The following KCTD3 variants were observed in gnomAD, a reference collection of about 807,000 sequenced individuals.
KCTD3 encodes the protein BTB/POZ domain-containing protein KCTD3.
KCTD3 carries 41 observed loss-of-function variants against 85.8 expected under a neutral mutation model. That is an observed-to-expected ratio of 0.48 (90% CI 0.37 to 0.62). The LOEUF is 0.62. Among genes scored for constraint, KCTD3 ranks in the 20% least tolerant of loss-of-function variants. The pLI is 0.00. For missense variants in KCTD3, 724 were observed against 989.9 expected, an observed-to-expected ratio of 0.73 and a Z score of 3.60; for synonymous variants, 338 against 345.4, an observed-to-expected ratio of 0.98 and a Z score of 0.24.
intron 12 of KCTD3, among the ~76,000 whole-genome samples, chr1:215,603,620 A>G (rs1355029152): frequency 6.6e-6 from 1 of 152,220 alleles, no homozygotes; most frequent in African/African-American, 2.4e-5. Flanking sequence ...TTAGTATTGT[A>G]GTTTAAGTAA....
chr1:215,612,364 A>G (rs140022294), intron 15 of KCTD3, among the ~76,000 whole-genome samples: 2 of 152,256 alleles, frequency 1.3e-5, no homozygotes, highest in East Asian at 3.9e-4. Context: ...TAATAACACT[A>G]ATTTGCATAA....
At chr1:215,601,177 T>A (rs1431064085) in intron 10 of KCTD3, among the ~76,000 whole-genome samples, 6 of 142,568 alleles carry the variant, frequency 4.2e-5, no homozygotes, top group African/African-American at 1.8e-4. Flanking sequence ...CCTCTGGTGA[T>A]CTGCCTGCCT....
At chr1:215,569,815 A>G (rs1297641506) in intron 1 of KCTD3, among the ~76,000 whole-genome samples, 3 of 152,318 alleles carry the variant, frequency 2.0e-5, no homozygotes, top group Admixed American at 6.5e-5. Flanking sequence ...GATACAAAAT[A>G]GTACATATAT....
At chr1:215,601,828 A>G (rs748680936) in intron 10 of KCTD3, 39 bp from the exon 11 acceptor site, 1 of 1,157,694 alleles carries the variant, frequency 8.6e-7, no homozygotes, top group Non-Finnish European at 1.3e-6. Context: ...AGAAATTATA[A>G]TTACTATCTA....
chr1:215,612,441 T>G (rs554653977), intron 15 of KCTD3, among the ~76,000 whole-genome samples: 1 of 152,290 alleles, frequency 6.6e-6, no homozygotes, highest in South Asian at 2.1e-4. Flanking sequence ...CCATCTACTT[T>G]AACATGGAGA....
rs560754887 is a variant in KCTD3, at chr1:215,617,222, G to C, written c.1563-1664G>C. The stretch of plus-strand genomic sequence containing the variant: ...TATTCTTTGTAATTAACTCGTAAAT[G>C]CGAGCTTTCCTTTGAATTCTGTGAG... On this transcript the variant is annotated intron_variant, in intron 15 of 17. Transcript: ENST00000259154. Among the ~76,000 whole-genome samples the C allele has an allele frequency of 2.6e-5, 4 of 152,298 alleles. No homozygotes were observed. The South Asian group carries it at 6.2e-4, about 24-fold the overall frequency.
In KCTD3 at chr1:215,621,730, T is replaced by C. The variant is rs1655698746; in HGVS notation, c.*1112T>C. 6.6e-6 allele frequency: 1 copy of C among 152,582 alleles called. No individual in the cohort carries two copies. Among genetic ancestry groups the C allele is most frequent in the African/African-American group, 2.4e-5 (1 of 41,444 alleles). 9.5% of individuals were successfully genotyped at this position (152,582 alleles called of 1,614,324 possible). A position where few individuals can be genotyped will look rare whatever the true frequency, so the allele number is the denominator to read the frequency against. On this transcript the variant is annotated 3_prime_UTR_variant, in exon 18 of 18. Transcript: ENST00000259154. ...AAGTTGAAATAAAATCTTTAAAATT[T>C]ACTATATTGCCAGTGGTTTCACAAC...
chr1:215,613,299 T>C (rs1178239965), intron 15 of KCTD3, among the ~76,000 whole-genome samples: 3 of 152,218 alleles, frequency 2.0e-5, no homozygotes, highest in African/African-American at 7.2e-5. Flanking sequence ...CTCAGCTCAC[T>C]GCAACCTCCA....
At chr1:215,575,663 A>G (rs932689313) in intron 3 of KCTD3, among the ~76,000 whole-genome samples, 1 of 152,208 alleles carries the variant, frequency 6.6e-6, no homozygotes, top group African/African-American at 2.4e-5. Flanking sequence ...ATGTATTAAA[A>G]TATCAGTTTA....
chr1:215,604,064 C>A, intron 12 of KCTD3, 68 bp from the exon 13 acceptor site: 1 of 1,240,930 alleles, frequency 8.1e-7, no homozygotes, highest in Non-Finnish European at 1.1e-6. Context: ...CATAGGGAAG[C>A]TTTGCGAGGG....
At position 215,614,018 on chromosome 1, in the gene KCTD3, G is replaced by GTTTTTT. The variant is rs577770912; in HGVS notation, c.1562+2122_1562+2127dup. ...TTGGTTTCATAGGAACTTTAGAATAGTTTTTTTTTTTTTTTTTTTTTTTTT... is the reference window on the plus strand; with the variant it reads ...TTGGTTTCATAGGAACTTTAGAATAGTTTTTTTTTTTTTTTTTTTTTTTTTTTTTTT... On this transcript the variant is annotated intron_variant, in intron 15 of 17. Coordinates refer to ENST00000259154, the MANE Select transcript of KCTD3 (RefSeq NM_016121.5). 1.4e-4 allele frequency among the ~76,000 whole-genome samples: 9 copies of GTTTTTT among 66,290 alleles called. 3 individuals are homozygous for GTTTTTT. The highest frequency in any genetic ancestry group is 3.2e-4 in the African/African-American group (5 of 15,826). 43.5% of individuals were successfully genotyped at this position (66,290 alleles called of 152,430 possible). A position where few individuals can be genotyped will look rare whatever the true frequency, so the allele number is the denominator to read the frequency against.
At chr1:215,568,233 G>A (rs898920233) in intron 1 of KCTD3, among the ~76,000 whole-genome samples, 2 of 152,140 alleles carry the variant, frequency 1.3e-5, no homozygotes, top group African/African-American at 4.8e-5. Context: ...TCTTTTCCGC[G>A]CCTAATTAGG....
chr1:215,577,256 G>A (rs2102557463), intron 4 of KCTD3, among the ~76,000 whole-genome samples: 1 of 152,064 alleles, frequency 6.6e-6, no homozygotes, highest in South Asian at 2.1e-4. Context: ...TGCTCGCAGG[G>A]AATTTATAGT....
chr1:215,607,886 G>A (rs935990203), intron 13 of KCTD3, 131 bp from the exon 14 acceptor site: 5 of 591,222 alleles, frequency 8.5e-6, no homozygotes, highest in African/African-American at 1.9e-5. Flanking sequence ...CACAAATCAA[G>A]TATAGTTTTA....
At chr1:215,569,017 C>T (rs557913578) in intron 1 of KCTD3, among the ~76,000 whole-genome samples, 18 of 152,106 alleles carry the variant, frequency 1.2e-4, no homozygotes, top group Middle Eastern at 3.4e-3. Context: ...AAGAGGAGGC[C>T]TGCAATGTGT....
intron 10 of KCTD3, 121 bp from the exon 11 acceptor site, chr1:215,601,746 C>T: frequency 1.6e-6 from 1 of 614,438 alleles, no homozygotes; most frequent in East Asian, 2.8e-5. Flanking sequence ...ATTTCCTAAG[C>T]CCTACTAAAA....
rs1334745041 is a variant in KCTD3 at position 215,604,212 on chromosome 1, G to C, written c.1219G>C (p.Val407Leu). 3.7e-6 allele frequency: 6 copies of C among 1,613,600 alleles called. No homozygotes were observed. The South Asian group carries it at 6.6e-5, about 18-fold the overall frequency. ...AGTGATTGTACAACACCCAGAGACA[G>C]TTGGGTCAGGTCCTCAGCTTTTTCA... ...VRVIVQHPET[V>L]GSGPQLFQTF... The change falls in exon 13 of 18, where the codon GTT becomes CTT. Residue 407 changes from valine (V) to leucine (L), a missense_variant. Physicochemically the swap from Val to Leu is conservative, Grantham distance 32. Coordinates refer to ENST00000259154, the MANE Select transcript of KCTD3 (RefSeq NM_016121.5).
chr1:215,619,042 G>A lies in KCTD3; in HGVS notation c.1719G>A (p.Met573Ile). The change falls in exon 16 of 18, where the codon ATG becomes ATA. Residue 573 changes from methionine (M) to isoleucine (I), a missense_variant. Met to Ile is a conservative substitution (Grantham distance 10). Transcript: ENST00000259154. Reference sequence around the variant, plus strand: ...AAATGTGGGATCTGACCACTGCTATGGATATGGTTAACAAAAGTGAAGATA... The same window carrying A: ...AAATGTGGGATCTGACCACTGCTATAGATATGGTTAACAAAAGTGAAGATA... The part of the protein sequence containing the change: ...SIQMWDLTTA[M>I]DMVNKSEDKD... The A allele has an allele frequency of 6.2e-7, 1 of 1,612,822 alleles. No homozygotes were observed. The highest frequency in any genetic ancestry group is 8.5e-7 in the Non-Finnish European group (1 of 1,179,584).
Position 215,601,887 on chromosome 1 carries a change from A to G in KCTD3, c.954A>G (p.Ile318Met). ...QHWQVQDVVP[I>M]TSYDTAGSFL... Reference sequence around the variant, plus strand: ...ATCAGGTTCAAGATGTTGTTCCTATAACTAGTTATGACACTGCTGGATCAT... The same window carrying G: ...ATCAGGTTCAAGATGTTGTTCCTATGACTAGTTATGACACTGCTGGATCAT... Residue 318 changes from isoleucine (I) to methionine (M), a missense_variant, in exon 11 of 18, where the codon ATA (isoleucine) becomes ATG (methionine). Transcript: ENST00000259154. The G allele has an allele frequency of 6.3e-7, 1 of 1,588,278 alleles. No individual in the cohort carries two copies. Among genetic ancestry groups the G allele is most frequent in the Non-Finnish European group, 8.6e-7 (1 of 1,157,432 alleles).
Sources: gnomAD v4.1 joint callset for allele counts (sites outside exome capture counted in the v4.1 genomes callset) on GRCh38, gnomAD v4.1.1 for gene constraint, MANE v1.5 for transcripts, NCBI Gene and HGNC (gene_info 2026-07-23, HGNC 2026-07-21) for gene names.